WNT7A: variants seen among roughly 807,000 people sequenced by gnomAD.
WNT7A encodes the protein protein Wnt-7a.
A neutral mutation model predicts 28.2 loss-of-function variants in WNT7A; 16 were observed. The observed-to-expected ratio is 0.57, with a 90% CI of 0.38 to 0.86. The LOEUF (loss-of-function observed/expected upper bound fraction) is 0.86. Ranked by LOEUF, WNT7A falls within the 40% of genes least tolerant of loss-of-function variation. WNT7A has a pLI of 0.00. For synonymous variants in WNT7A, 190 were observed against 195.9 expected (o/e 0.97, Z 0.25); for missense variants, 411 against 489.7 (o/e 0.84, Z 1.52).
intron 3 of WNT7A, among the ~76,000 whole-genome samples, chr3:13,850,072 G>A (rs866143200): frequency 2.6e-5 from 4 of 152,364 alleles, no homozygotes; most frequent in Non-Finnish European, 2.9e-5. Flanking sequence ...GACCATTCCT[G>A]CTCCAAGTCC....
At chr3:13,877,704 T>C (rs1695130625) in intron 1 of WNT7A, among the ~76,000 whole-genome samples, 1 of 152,230 alleles carries the variant, frequency 6.6e-6, no homozygotes, top group African/African-American at 2.4e-5. Flanking sequence ...CCCACCTCAT[T>C]GGCTGCTGTG....
chr3:13,848,111 T>C (rs1233673524), intron 3 of WNT7A, among the ~76,000 whole-genome samples: 1 of 152,112 alleles, frequency 6.6e-6, no homozygotes, highest in African/African-American at 2.4e-5. Context: ...ATAAAACTTT[T>C]AGGAAAAAAA....
chr3:13,841,233 C>T (rs773112584), intron 3 of WNT7A, among the ~76,000 whole-genome samples: 3 of 152,312 alleles, frequency 2.0e-5, no homozygotes, highest in Admixed American at 2.0e-4. Context: ...ACTTGTTCAG[C>T]GTTTCCCACT....
chr3:13,825,133 A>G (rs1011900596), intron 3 of WNT7A, among the ~76,000 whole-genome samples: 3 of 152,230 alleles, frequency 2.0e-5, no homozygotes, highest in Non-Finnish European at 4.4e-5. Flanking sequence ...GGGAATTGGT[A>G]AGAGCAGCTG....
intron 2 of WNT7A, among the ~76,000 whole-genome samples, chr3:13,861,159 T>G (rs1219401888): frequency 6.6e-6 from 1 of 152,218 alleles, no homozygotes; most frequent in African/African-American, 2.4e-5. Flanking sequence ...CAGGCCTACA[T>G]TCTTGCCCAG....
At chr3:13,844,772 A>G (rs1694513234) in intron 3 of WNT7A, among the ~76,000 whole-genome samples, 1 of 152,120 alleles carries the variant, frequency 6.6e-6, no homozygotes, top group African/African-American at 2.4e-5. Context: ...TCTTCAAAAG[A>G]CACAAGTGTT....
chr3:13,841,724 C>G (rs1185646282), intron 3 of WNT7A, among the ~76,000 whole-genome samples: 1 of 152,162 alleles, frequency 6.6e-6, no homozygotes, highest in African/African-American at 2.4e-5. Context: ...AGGAGGCCTT[C>G]TACAGCAGGC....
chr3:13,868,810 A>AAG (rs759704550), intron 2 of WNT7A, among the ~76,000 whole-genome samples: 14,956 of 45,426 alleles, frequency 0.33, 2,355 homozygotes, highest in African/African-American at 0.52. Flanking sequence ...GAGAGAAAGA[A>AAG]AGAGAGAGAG....
Position 13,826,427 on chromosome 3 carries a change from A to C in WNT7A, c.571-7004T>G, listed in dbSNP as rs150931287. Among the ~76,000 whole-genome samples, 90 of 152,224 alleles carry C rather than the reference A, an allele frequency of 5.9e-4. No homozygotes were observed. The East Asian group carries it at 0.017, about 28-fold the overall frequency. On this transcript the variant is annotated intron_variant, in intron 3 of 3. Coordinates refer to ENST00000285018, the MANE Select transcript of WNT7A (RefSeq NM_004625.4). ...GAGCTGGAGTCAGATAACGGGAGGGATAAATTAGAACTGGCCAAACTCAGG... is the reference window on the plus strand; with the variant it reads ...GAGCTGGAGTCAGATAACGGGAGGGCTAAATTAGAACTGGCCAAACTCAGG...
intron 3 of WNT7A, among the ~76,000 whole-genome samples, chr3:13,833,911 G>T (rs1040440742): frequency 1.3e-5 from 2 of 152,160 alleles, no homozygotes; most frequent in Admixed American, 6.5e-5. Flanking sequence ...CTGGCCAGGC[G>T]CTGAGGTTGG....
chr3:13,876,305 AG>A (rs1448093509), intron 1 of WNT7A, among the ~76,000 whole-genome samples: 1 of 152,228 alleles, frequency 6.6e-6, no homozygotes, highest in African/African-American at 2.4e-5. Flanking sequence ...CTTGAGATGC[AG>A]GGAGATCCTG....
At chr3:13,854,915 C>T in intron 2 of WNT7A, 112 bp from the exon 3 acceptor site, 1 of 1,428,002 alleles carries the variant, frequency 7.0e-7, no homozygotes. Flanking sequence ...CTCTCCAAAG[C>T]TCGACTGAGT....
chr3:13,845,062 T>C (rs1364569637), intron 3 of WNT7A, among the ~76,000 whole-genome samples: 1 of 152,228 alleles, frequency 6.6e-6, no homozygotes, highest in Non-Finnish European at 1.5e-5. Context: ...TAGGGGGCTC[T>C]CAGGGCCTCG....
rs1212906803 is a variant in WNT7A, at chr3:13,819,032, A to T, written c.962T>A (p.Val321Glu). 7.4e-6 allele frequency: 12 copies of T among 1,612,890 alleles called. No homozygotes were observed. The highest frequency in any genetic ancestry group is 1.0e-5 in the Non-Finnish European group (12 of 1,179,066). ...RGYNTHQYAR[V>E]WQCNCKFHWC... The stretch of plus-strand genomic sequence containing the variant: ...GTGGAACTTACAGTTGCACTGCCAC[A>T]CGCGGGCGTACTGGTGGGTGTTGTA... The change falls in exon 4 of 4, where the codon GTG (valine) becomes GAG (glutamate). Residue 321 changes from valine (V) to glutamate (E), a missense_variant. Coordinates refer to ENST00000285018, the MANE Select transcript of WNT7A (RefSeq NM_004625.4).
At chr3:13,875,677 A>G (rs1318667472) in intron 1 of WNT7A, among the ~76,000 whole-genome samples, 2 of 152,198 alleles carry the variant, frequency 1.3e-5, no homozygotes, top group African/African-American at 4.8e-5. Flanking sequence ...TTTAATGTAT[A>G]TGTAACATAT....
rs575789769 is a variant in WNT7A at position 13,818,351 on chromosome 3, C to CGA, written c.*592_*593insTC. On this transcript the variant is annotated 3_prime_UTR_variant, in exon 4 of 4. Transcript: ENST00000285018. ...TTTCTGGATAAGTAGCAGCAAACAG[C>CGA]AAAAAAAAAAAAAAAAATGTGTGTG... 3 of 79,956 alleles carry CGA rather than the reference C, an allele frequency of 3.8e-5. No individual in the cohort carries two copies. The highest frequency in any genetic ancestry group is 9.4e-4 in the South Asian group (2 of 2,126). The allele number at this position is 79,956 out of a possible 1,614,324, so 5.0% of individuals were successfully genotyped here. A position where few individuals can be genotyped will look rare whatever the true frequency, so the allele number is the denominator to read the frequency against.
intron 2 of WNT7A, among the ~76,000 whole-genome samples, chr3:13,868,363 T>A (rs1328382819): frequency 6.6e-6 from 1 of 151,552 alleles, no homozygotes; most frequent in Non-Finnish European, 1.5e-5. Context: ...TGAGGTGGTG[T>A]GTGCCTGTAA....
intron 3 of WNT7A, among the ~76,000 whole-genome samples, chr3:13,843,354 C>A (rs904914628): frequency 6.6e-6 from 1 of 152,230 alleles, no homozygotes; most frequent in African/African-American, 2.4e-5. Flanking sequence ...GCAATCTGCA[C>A]AACAGCTCTG....
At chr3:13,868,578 GAGAGAGAGAGAGGGAGAA>G (rs1369047563) in intron 2 of WNT7A, among the ~76,000 whole-genome samples, 1 of 19,312 alleles carries the variant, frequency 5.2e-5, no homozygotes, top group Admixed American at 7.3e-4. Context: ...GAGAGAGAGA[GAGAGAGAGAGAGGGAGAA>G]AGAAAGAAAG....
Sources: gnomAD v4.1 joint callset for allele counts (sites outside exome capture counted in the v4.1 genomes callset) on GRCh38, gnomAD v4.1.1 for gene constraint, MANE v1.5 for transcripts, NCBI Gene and HGNC (gene_info 2026-07-23, HGNC 2026-07-21) for gene names.